The following NIN variants were observed in gnomAD, a reference collection of about 807,000 sequenced individuals.
NIN encodes glycogen synthase kinase 3 beta-interacting protein.
In NIN, 137 loss-of-function variants were observed where a neutral mutation model predicts 257.6. The observed-to-expected ratio is 0.53, with a 90% CI of 0.46 to 0.61. The LOEUF (loss-of-function observed/expected upper bound fraction) is 0.61. Ranked by LOEUF, NIN falls within the 20% of genes least tolerant of loss-of-function variation. NIN has a pLI of 0.00. For missense variants in NIN, 2,439 were observed against 2,501.2 expected (o/e 0.98, Z 0.53); for synonymous variants, 918 against 919.8 (o/e 1.00, Z 0.04).
chr14:50,741,866 G>A, intron 24 of NIN, 138 bp from the exon 25 acceptor site: 1 of 869,976 alleles, frequency 1.1e-6, no homozygotes. Flanking sequence ...CTTGTCAGTA[G>A]CTCAGTGGAA....
At chr14:50,739,704 G>T (rs1261932024) in intron 25 of NIN, among the ~76,000 whole-genome samples, 1 of 152,222 alleles carries the variant, frequency 6.6e-6, no homozygotes, top group South Asian at 2.1e-4. Context: ...GAGAGTCTCT[G>T]TTTAAAATGG....
intron 5 of NIN, among the ~76,000 whole-genome samples, chr14:50,782,830 C>G (rs2043187677): frequency 6.6e-6 from 1 of 152,094 alleles, no homozygotes; most frequent in African/African-American, 2.4e-5. Flanking sequence ...GGTGGGAAGC[C>G]CAGGTGCTGC....
At chr14:50,830,756 C>G (rs1254649655) in intron 1 of NIN, 1 of 151,906 alleles carries the variant, frequency 6.6e-6, no homozygotes, top group Non-Finnish European at 1.5e-5. Flanking sequence ...CCCGCGCCTC[C>G]GGGACCGGCC....
rs1184882895 is a variant in NIN, at chr14:50,756,568, CCTT to C, written c.4459_4461del (p.Lys1487del). On this transcript the variant is annotated inframe_deletion, in exon 18 of 31. Transcript: ENST00000530997. ...TGCATCATTGCCTTCAGCTCTTCCT[CCTT>C]TTCTCCGTGAGAAAGTACATCTTTT... 2.5e-6 allele frequency: 4 copies of C among 1,612,726 alleles called. No individual in the cohort carries two copies. The highest frequency in any genetic ancestry group is 3.4e-6 in the Non-Finnish European group (4 of 1,179,504).
rs985177111 is a variant in NIN at position 50,798,780 on chromosome 14, CTATT to C, written c.266-5903_266-5900del. Among the ~76,000 whole-genome samples the C allele has an allele frequency of 2.6e-5, 4 of 152,210 alleles. No homozygotes were observed. In the East Asian group the frequency reaches 5.8e-4, roughly 22 times the overall value. ...TGTGATGCACACTGTCCATAGCTCC[CTATT>C]TATTTATTTATTTGAGACGGAGTCT... On this transcript the variant is annotated intron_variant, in intron 4 of 30. Coordinates refer to ENST00000530997, the MANE Select transcript of NIN (RefSeq NM_020921.4).
In NIN at chr14:50,771,418, C is replaced by T. The variant is rs1174909445; in HGVS notation, c.1032G>A (p.Leu344=). ...DGNINLTELT[L]ALENELLVTK... is the part of the protein sequence containing the mutation. ...TAACCAAAAGTTCATTTTCAAGGGC[C>T]AGTGTTAATTCTGTCAAATTGATGT... Residue 344 remains leucine, a synonymous_variant, in exon 10 of 31, where the codon CTG becomes CTA. Coordinates refer to ENST00000530997, the MANE Select transcript of NIN (RefSeq NM_020921.4). 6.2e-7 allele frequency: 1 copy of T among 1,614,006 alleles called. No homozygotes were observed. Among genetic ancestry groups the T allele is most frequent in the East Asian group, 2.2e-5 (1 of 44,880 alleles).
At chr14:50,727,594 T>G (rs1318189472) in intron 29 of NIN, 22 of 1,400,138 alleles carry the variant, frequency 1.6e-5, no homozygotes, top group Admixed American at 4.1e-5. Flanking sequence ...TTCCAACATA[T>G]CTTAGCTTAT....
At chr14:50,823,078 T>C in intron 2 of NIN, 1 of 426,194 alleles carries the variant, frequency 2.3e-6, no homozygotes, top group Admixed American at 3.0e-5. Context: ...CTTGGAGACG[T>C]CAATAACTGA....
chr14:50,784,871 A>G (rs1595865480), intron 5 of NIN, among the ~76,000 whole-genome samples: 1 of 152,208 alleles, frequency 6.6e-6, no homozygotes. Context: ...AGTGTCCCCT[A>G]GGCAGCCACG....
At position 50,756,582 on chromosome 14, in the gene NIN, GA is replaced by G. The variant is rs1167300527; in HGVS notation, c.4447del (p.Ser1483LeufsTer9). 1 of 1,609,228 alleles carries G rather than the reference GA, an allele frequency of 6.2e-7. No homozygotes were observed. The highest frequency in any genetic ancestry group is 8.5e-7 in the Non-Finnish European group (1 of 1,177,472). ...CAGCTCTTCCTCCTTTTCTCCGTGA[GA>G]AAGTACATCTTTTTGCTTAACTAAA... Reference protein sequence around the residue: ...TILVKQKDVLSHGEKEEELKA... With the variant: ...TILVKQKDVLXHGEKEEELKA... On this transcript the variant is annotated frameshift_variant, in exon 18 of 31. Coordinates refer to ENST00000530997, the MANE Select transcript of NIN (RefSeq NM_020921.4). LOFTEE classifies it high-confidence loss of function.
chr14:50,737,853 G>T (rs955612378), intron 27 of NIN, among the ~76,000 whole-genome samples: 1 of 151,906 alleles, frequency 6.6e-6, no homozygotes, highest in African/African-American at 2.4e-5. Context: ...TACCGTATTG[G>T]TCAGGCTGGT....
At chr14:50,785,116 G>A (rs2043289094) in intron 5 of NIN, among the ~76,000 whole-genome samples, 1 of 152,234 alleles carries the variant, frequency 6.6e-6, no homozygotes, top group African/African-American at 2.4e-5. Context: ...TTGTCCTACA[G>A]CTGGACAAGG....
chr14:50,740,181 A>T (rs1297577260), intron 25 of NIN, among the ~76,000 whole-genome samples: 2 of 140,352 alleles, frequency 1.4e-5, no homozygotes, highest in East Asian at 2.3e-4. Context: ...AAGTAATTTT[A>T]AAAATGGAAA....
chr14:50,790,567 A>C (rs977557204), intron 5 of NIN, among the ~76,000 whole-genome samples: 2 of 152,220 alleles, frequency 1.3e-5, no homozygotes, highest in African/African-American at 4.8e-5. Context: ...AAGTTGAGTC[A>C]GTTGGAGTCC....
Position 50,739,229 on chromosome 14 carries a change from C to T in NIN, c.5628+79G>A, listed in dbSNP as rs1001748676. 6.5e-6 allele frequency: 9 copies of T among 1,384,748 alleles called. No homozygotes were observed. The African/African-American group carries it at 9.9e-5, about 15-fold the overall frequency. The allele number at this position is 1,384,748 out of a possible 1,614,324, so 85.8% of individuals were successfully genotyped here. On this transcript the variant is annotated intron_variant, in intron 26 of 30. Transcript: ENST00000530997. ...TCAAATCCATACCTTAGAACCATTCCAATCATATCCAACATTCATTTTCCT... is the reference window on the plus strand; with the variant it reads ...TCAAATCCATACCTTAGAACCATTCTAATCATATCCAACATTCATTTTCCT...
intron 5 of NIN, among the ~76,000 whole-genome samples, chr14:50,784,303 T>A (rs547287167): frequency 1.3e-5 from 2 of 152,272 alleles, no homozygotes; most frequent in Non-Finnish European, 2.9e-5. Context: ...AGAAAAATGA[T>A]GTGGTTAGGG....
At chr14:50,796,868 TCAC>T (rs2043862919) in intron 4 of NIN, among the ~76,000 whole-genome samples, 1 of 152,164 alleles carries the variant, frequency 6.6e-6, no homozygotes, top group East Asian at 1.9e-4. Flanking sequence ...CTGCACCAGA[TCAC>T]CACATCTGCA....
In NIN at chr14:50,823,245, C is replaced by A. The variant is rs368713903; in HGVS notation, c.-21-1168G>T. 2.3e-4 allele frequency: 135 copies of A among 575,974 alleles called. 1 individual carries two copies. The highest frequency in any genetic ancestry group is 3.9e-5 in the Non-Finnish European group (11 of 285,016). The allele number at this position is 575,974 out of a possible 1,614,324, so 35.7% of individuals were successfully genotyped here. A position where few individuals can be genotyped will look rare whatever the true frequency, so the allele number is the denominator to read the frequency against. On this transcript the variant is annotated intron_variant, in intron 2 of 30. Transcript: ENST00000530997. ...AAACCTGCACATCTGAAGATGCCTT[C>A]GCCATGATGCAATGGATGCCAAACA...
At chr14:50,732,144 G>T (rs1048421426) in intron 28 of NIN, among the ~76,000 whole-genome samples, 1 of 152,106 alleles carries the variant, frequency 6.6e-6, no homozygotes, top group Non-Finnish European at 1.5e-5. Flanking sequence ...ACAGTGGGGG[G>T]ATGTGTTATG....
Sources: gnomAD v4.1 joint callset for allele counts (sites outside exome capture counted in the v4.1 genomes callset) on GRCh38, gnomAD v4.1.1 for gene constraint, MANE v1.5 for transcripts, NCBI Gene and HGNC (gene_info 2026-07-23, HGNC 2026-07-21) for gene names.